Variants in ACTL8 observed in about 807,000 individuals in gnomAD.
ACTL8 encodes actin-like protein 8.
Under a neutral mutation model 9.3 loss-of-function variants are expected in ACTL8, and 3 were observed. That is an observed-to-expected ratio of 0.32 (90% CI 0.15 to 0.83). ACTL8 has a LOEUF of 0.83. Among genes scored for constraint, ACTL8 ranks in the 40% least tolerant of loss-of-function variants. The pLI, the probability that ACTL8 is intolerant of heterozygous loss-of-function variation, is 0.57. For missense variants in ACTL8, 381 were observed against 492.2 expected, an observed-to-expected ratio of 0.77 and a Z score of 2.14; for synonymous variants, 224 against 205.9, an observed-to-expected ratio of 1.09 and a Z score of -0.75.
At position 17,826,003 on chromosome 1, in the gene ACTL8, A is replaced by G. The variant is rs748715490; in HGVS notation, c.585A>G (p.Arg195=). 6.2e-7 allele frequency: 1 copy of G among 1,607,686 alleles called. No homozygotes were observed. The highest frequency in any genetic ancestry group is 1.3e-5 in the African/African-American group (1 of 74,918). ...GTCTCTTTAAGGAAGATTGCGATAGACGCTGCCTGTTTCAGCTGGAGACAG... is the reference window on the plus strand; with the variant it reads ...GTCTCTTTAAGGAAGATTGCGATAGGCGCTGCCTGTTTCAGCTGGAGACAG... The part of the protein sequence containing the change: ...LKSLFKEDCD[R]RCLFQLETVA... Residue 195 remains arginine, a synonymous_variant, in exon 3 of 3, where the codon AGA becomes AGG. Transcript: ENST00000375406. The surrounding 1 kb of genome is among the most constrained non-coding windows in gnomAD (Gnocchi z 4.5).
intron 1 of ACTL8, among the ~76,000 whole-genome samples, chr1:17,760,849 G>C (rs1355129329): frequency 1.3e-5 from 2 of 152,222 alleles, no homozygotes; most frequent in Non-Finnish European, 2.9e-5. Flanking sequence ...AAGCGGCCAT[G>C]ATTAGTCAAA....
At chr1:17,817,517 G>A (rs966653631) in intron 1 of ACTL8, among the ~76,000 whole-genome samples, 5 of 151,586 alleles carry the variant, frequency 3.3e-5, no homozygotes, top group Non-Finnish European at 4.4e-5. Context: ...TTCTCTGCTC[G>A]GTCCCGGGAC....
At chr1:17,791,165 A>C (rs940911660) in intron 1 of ACTL8, among the ~76,000 whole-genome samples, 5 of 152,112 alleles carry the variant, frequency 3.3e-5, no homozygotes, top group Non-Finnish European at 7.4e-5. Context: ...CATAGTTCAG[A>C]CAGCTGCAGC....
At chr1:17,794,062 A>ACACCCTCTGCCACATTC (rs1407302417) in intron 1 of ACTL8, among the ~76,000 whole-genome samples, 1 of 152,140 alleles carries the variant, frequency 6.6e-6, no homozygotes. Context: ...ACATTCTGTT[A>ACACCCTCTGCCACATTC]TGTGGCAATC....
chr1:17,800,285 A>G (rs2066311375), intron 1 of ACTL8, among the ~76,000 whole-genome samples: 1 of 152,190 alleles, frequency 6.6e-6, no homozygotes, highest in Admixed American at 6.5e-5. Flanking sequence ...AAAATAGTGT[A>G]TATGTTTTCG....
At position 17,812,490 on chromosome 1, in the gene ACTL8, C is replaced by T. The variant is rs142668593; in HGVS notation, c.-24-10495C>T. ...TGTCATCCAGGGTGGAGTGCAATGG[C>T]GCAATCTCAGCTCACTGCAACCTCC... On this transcript the variant is annotated intron_variant, in intron 1 of 2. Transcript: ENST00000375406. Among the ~76,000 whole-genome samples, 123 of 137,592 alleles carry T rather than the reference C, an allele frequency of 8.9e-4. 1 individual carries two copies. Among genetic ancestry groups the T allele is most frequent in the African/African-American group, 2.7e-3 (98 of 36,602 alleles). 90.3% of individuals were successfully genotyped at this position (137,592 alleles called of 152,430 possible). A position where few individuals can be genotyped will look rare whatever the true frequency, so the allele number is the denominator to read the frequency against.
intron 1 of ACTL8, among the ~76,000 whole-genome samples, chr1:17,808,700 G>A (rs1043913407): frequency 2.0e-5 from 3 of 152,338 alleles, no homozygotes; most frequent in East Asian, 1.9e-4. Flanking sequence ...ATAGTGGTCC[G>A]TGGAGGAATG....
chr1:17,773,213 T>C (rs1201765088), intron 1 of ACTL8, among the ~76,000 whole-genome samples: 2 of 152,174 alleles, frequency 1.3e-5, no homozygotes, highest in African/African-American at 4.8e-5. Context: ...TTCGAGTAGC[T>C]CCTGGCTGCC....
At chr1:17,787,483 G>C (rs1378352914) in intron 1 of ACTL8, among the ~76,000 whole-genome samples, 3 of 152,090 alleles carry the variant, frequency 2.0e-5, no homozygotes, top group African/African-American at 7.2e-5. Flanking sequence ...TGGCCAGGCT[G>C]GTCTCCAACT....
At chr1:17,764,408 C>T (rs1250539503) in intron 1 of ACTL8, among the ~76,000 whole-genome samples, 7 of 152,202 alleles carry the variant, frequency 4.6e-5, no homozygotes, top group Non-Finnish European at 1.0e-4. Context: ...GTCATAAAGT[C>T]AGCCTGAAAA....
intron 1 of ACTL8, among the ~76,000 whole-genome samples, chr1:17,772,433 C>T (rs1034069529): frequency 6.6e-6 from 1 of 152,092 alleles, no homozygotes; most frequent in Admixed American, 6.5e-5. Flanking sequence ...AAGTCGGTTT[C>T]TCCCCCAGAC....
chr1:17,813,537 T>A (rs1399908813), intron 1 of ACTL8, among the ~76,000 whole-genome samples: 1 of 152,238 alleles, frequency 6.6e-6, no homozygotes, highest in Non-Finnish European at 1.5e-5. Context: ...CAAAATCTTA[T>A]TAAAGAATAA....
At chr1:17,816,821 A>G (rs2066429357) in intron 1 of ACTL8, among the ~76,000 whole-genome samples, 1 of 151,728 alleles carries the variant, frequency 6.6e-6, no homozygotes, top group Admixed American at 6.6e-5. Flanking sequence ...TTCTTCCCCA[A>G]CTCTTTGAGT....
At chr1:17,819,198 C>G (rs1035976925) in intron 1 of ACTL8, among the ~76,000 whole-genome samples, 1 of 152,204 alleles carries the variant, frequency 6.6e-6, no homozygotes, top group African/African-American at 2.4e-5. Flanking sequence ...ATGCCAGGGC[C>G]GAGAAGCATT....
chr1:17,798,485 G>C (rs1236256220), intron 1 of ACTL8, among the ~76,000 whole-genome samples: 1 of 152,134 alleles, frequency 6.6e-6, no homozygotes, highest in Non-Finnish European at 1.5e-5. Flanking sequence ...GCTGGGCTTG[G>C]AGAAGGACAT....
intron 1 of ACTL8, among the ~76,000 whole-genome samples, chr1:17,771,921 A>G (rs2066085455): frequency 7.2e-6 from 1 of 138,904 alleles, no homozygotes; most frequent in African/African-American, 2.5e-5. Context: ...TTCGTGAAGT[A>G]TCTTGTCCTC....
intron 1 of ACTL8, among the ~76,000 whole-genome samples, chr1:17,764,213 T>G (rs1418787603): frequency 6.6e-6 from 1 of 151,638 alleles, no homozygotes; most frequent in East Asian, 1.9e-4. Context: ...ACGCAAGGGG[T>G]GGGTAGAGGC....
At chr1:17,790,263 C>G (rs972124219) in intron 1 of ACTL8, among the ~76,000 whole-genome samples, 1 of 152,366 alleles carries the variant, frequency 6.6e-6, no homozygotes, top group Non-Finnish European at 1.5e-5. Context: ...CAGGTCTGGG[C>G]TCCCTGAAGG....
At chr1:17,805,065 G>GC (rs1357198628) in intron 1 of ACTL8, among the ~76,000 whole-genome samples, 1 of 151,960 alleles carries the variant, frequency 6.6e-6, no homozygotes, top group East Asian at 1.9e-4. Flanking sequence ...TCCTAACAAG[G>GC]CCCTAGATGC....
Sources: gnomAD v4.1 joint callset for allele counts (sites outside exome capture counted in the v4.1 genomes callset) on GRCh38, gnomAD v4.1.1 for gene constraint, Gnocchi (gnomAD v3.1) non-coding constraint, MANE v1.5 for transcripts, NCBI Gene and HGNC (gene_info 2026-07-23, HGNC 2026-07-21) for gene names.